The following CCDC141 variants were observed in gnomAD, a reference collection of about 807,000 sequenced individuals.
CCDC141 encodes the protein coiled-coil domain-containing protein 141.
CCDC141 carries 168 observed loss-of-function variants against 181.0 expected under a neutral mutation model. The ratio of observed to expected loss-of-function variants is 0.93; its 90% CI spans 0.82 to 1.05. CCDC141 has a LOEUF of 1.05. CCDC141 is among the 50% of genes least tolerant of loss of function. The probability of loss-of-function intolerance (pLI) is 0.00; values close to 1 mark genes in which losing one functional copy is unlikely to be tolerated. For missense variants in CCDC141, 1,902 were observed against 1,788.5 expected (o/e 1.06, Z -1.14); for synonymous variants, 666 against 642.3 (o/e 1.04, Z -0.56).
At chr2:178,984,953 G>C (rs1026944827) in intron 2 of CCDC141, among the ~76,000 whole-genome samples, 3 of 150,252 alleles carry the variant, frequency 2.0e-5, no homozygotes, top group African/African-American at 7.3e-5. Flanking sequence ...ACTCAGCTCT[G>C]CACCAAGCGG....
intron 5 of CCDC141, among the ~76,000 whole-genome samples, chr2:178,946,414 A>G (rs1054334672): frequency 4.6e-5 from 7 of 152,178 alleles, no homozygotes; most frequent in Admixed American, 3.9e-4. Context: ...GCAATGATTT[A>G]AGGGTTTCCT....
intron 8 of CCDC141, among the ~76,000 whole-genome samples, chr2:178,888,880 T>C (rs1687014272): frequency 6.6e-6 from 1 of 152,228 alleles, no homozygotes; most frequent in South Asian, 2.1e-4. Flanking sequence ...AGATGAGTTA[T>C]GGGTTTTTGC....
At chr2:178,962,372 A>G (rs114009785) in intron 4 of CCDC141, among the ~76,000 whole-genome samples, 2,313 of 152,272 alleles carry the variant, frequency 0.015, 24 homozygotes, top group Middle Eastern at 0.034. Context: ...GCTGTCCATG[A>G]CATCCCTCTC....
intron 5 of CCDC141, among the ~76,000 whole-genome samples, chr2:178,958,174 G>T (rs902668861): frequency 5.3e-5 from 8 of 152,148 alleles, no homozygotes; most frequent in Non-Finnish European, 7.3e-5. Flanking sequence ...GATTATTAGG[G>T]CAGTGAAAAT....
chr2:178,935,793 C>G (rs1575237069), intron 6 of CCDC141, among the ~76,000 whole-genome samples: 1 of 152,148 alleles, frequency 6.6e-6, no homozygotes, highest in Admixed American at 6.6e-5. Flanking sequence ...GCCATTCAGA[C>G]TGGTGTGAGA....
At chr2:179,033,215 T>C (rs2043048769) in intron 2 of CCDC141, among the ~76,000 whole-genome samples, 1 of 151,050 alleles carries the variant, frequency 6.6e-6, no homozygotes, top group African/African-American at 2.4e-5. Context: ...ATAAACCATG[T>C]ATAAAAATAT....
rs1009008572 is a variant in CCDC141 at position 178,831,539 on chromosome 2, G to T, written c.*2634C>A. ...TTCAGGATTTTCTCTAGAAGTAAAT[G>T]GTTATAAATTATGTATATACCTTAA... On this transcript the variant is annotated 3_prime_UTR_variant, in exon 24 of 24. Transcript: ENST00000443758. 6 of 151,978 alleles carry T rather than the reference G, an allele frequency of 3.9e-5. No individual in the cohort carries two copies. Among genetic ancestry groups the T allele is most frequent in the Non-Finnish European group, 7.4e-5 (5 of 67,986 alleles). 9.4% of individuals were successfully genotyped at this position (151,978 alleles called of 1,614,324 possible).
intron 8 of CCDC141, among the ~76,000 whole-genome samples, chr2:178,900,212 CT>C (rs1483254366): frequency 6.6e-6 from 1 of 152,142 alleles, no homozygotes; most frequent in African/African-American, 2.4e-5. Context: ...TTAATTCAAG[CT>C]TTTGAAATGG....
At chr2:178,892,336 T>C (rs1687196944) in intron 8 of CCDC141, among the ~76,000 whole-genome samples, 1 of 152,174 alleles carries the variant, frequency 6.6e-6, no homozygotes, top group Admixed American at 6.6e-5. Flanking sequence ...TTAGATCCTT[T>C]TCTCGGGAAG....
chr2:178,900,098 T>C (rs1285618583), intron 8 of CCDC141, among the ~76,000 whole-genome samples: 1 of 152,196 alleles, frequency 6.6e-6, no homozygotes, highest in African/African-American at 2.4e-5. Context: ...ATAGTATTGA[T>C]TTATAAAATA....
chr2:178,895,733 C>T (rs1212689144), intron 8 of CCDC141, among the ~76,000 whole-genome samples: 1 of 152,146 alleles, frequency 6.6e-6, no homozygotes, highest in African/African-American at 2.4e-5. Flanking sequence ...TCCTAAATTT[C>T]ACTATCTGAC....
intron 22 of CCDC141, among the ~76,000 whole-genome samples, chr2:178,843,289 TG>T (rs1684804382): frequency 6.6e-6 from 1 of 152,216 alleles, no homozygotes; most frequent in Non-Finnish European, 1.5e-5. Context: ...CAATCCCTTT[TG>T]GCCTCAGTTT....
chr2:178,933,324 A>C (rs1689167891), intron 6 of CCDC141, among the ~76,000 whole-genome samples: 1 of 152,356 alleles, frequency 6.6e-6, no homozygotes, highest in South Asian at 2.1e-4. Flanking sequence ...AGGGACATGT[A>C]CATACATGAA....
rs539285343 is a variant in CCDC141 at position 178,902,140 on chromosome 2, T to C, written c.1265+3189A>G. ...CAAATGGAAGAACATTCCATGCTCA[T>C]GGGTAGGAAGAATCAATATCATGAA... On this transcript the variant is annotated intron_variant, in intron 8 of 23. Coordinates refer to ENST00000443758, the MANE Select transcript of CCDC141 (RefSeq NM_173648.4). Among the ~76,000 whole-genome samples, 52 of 152,334 alleles carry C rather than the reference T, an allele frequency of 3.4e-4. 1 individual carries two copies. The highest frequency in any genetic ancestry group is 1.3e-3 in the African/African-American group (52 of 41,580).
At chr2:179,013,816 G>C (rs1243627257) in intron 2 of CCDC141, among the ~76,000 whole-genome samples, 1 of 151,762 alleles carries the variant, frequency 6.6e-6, no homozygotes, top group Non-Finnish European at 1.5e-5. Flanking sequence ...AAATTAGCCA[G>C]GTGTGGTGGC....
intron 3 of CCDC141, 36 bp from the exon 4 acceptor site, chr2:178,975,201 T>C: frequency 8.7e-7 from 1 of 1,152,284 alleles, no homozygotes; most frequent in Non-Finnish European, 1.2e-6. Flanking sequence ...CATTTGACAT[T>C]TGTATAAAAA....
intron 2 of CCDC141, among the ~76,000 whole-genome samples, chr2:179,008,165 T>C (rs2042166280): frequency 6.6e-6 from 1 of 152,224 alleles, no homozygotes; most frequent in South Asian, 2.1e-4. Context: ...TCTCTTGTTT[T>C]AATAAATTGG....
chr2:178,874,992 T>A (rs1686295998), intron 12 of CCDC141: 1 of 152,158 alleles, frequency 6.6e-6, no homozygotes, highest in Non-Finnish European at 1.5e-5. Context: ...GGCAGAGACG[T>A]CAGAGAAAGC....
chr2:178,917,992 C>A (rs766310695), intron 7 of CCDC141, among the ~76,000 whole-genome samples: 1 of 152,180 alleles, frequency 6.6e-6, no homozygotes, highest in Non-Finnish European at 1.5e-5. Context: ...AGGAGGCCTT[C>A]GGTAAAAATT....
Sources: allele counts gnomAD v4.1 joint callset (sites outside exome capture counted in the v4.1 genomes callset), GRCh38; gene constraint gnomAD v4.1.1; transcripts MANE v1.5; gene names NCBI Gene and HGNC (gene_info 2026-07-23, HGNC 2026-07-21).